Variants in DPP10 observed in about 807,000 individuals in gnomAD.
The protein encoded by DPP10 is inactive dipeptidyl peptidase 10.
Under a neutral mutation model 120.9 loss-of-function variants are expected in DPP10, and 33 were observed. The observed-to-expected ratio is 0.27, with a 90% confidence interval of 0.21 to 0.37. DPP10 has a LOEUF of 0.37. DPP10 is among the 10% of genes least tolerant of loss of function. The probability of loss-of-function intolerance (pLI) is 1.00; values close to 1 mark genes in which losing one functional copy is unlikely to be tolerated. For missense variants in DPP10, 816 were observed against 942.8 expected (o/e 0.87, Z 1.76); for synonymous variants, 337 against 326.1 (o/e 1.03, Z -0.36).
intron 3 of DPP10, among the ~76,000 whole-genome samples, chr2:115,449,338 A>G (rs1298261679): frequency 6.6e-6 from 1 of 152,060 alleles, no homozygotes; most frequent in Non-Finnish European, 1.5e-5. Flanking sequence ...TTTCCATTAG[A>G]AAAAAATATC....
chr2:114,766,568 A>G (rs1425303025), intron 1 of DPP10, among the ~76,000 whole-genome samples: 3 of 150,028 alleles, frequency 2.0e-5, no homozygotes, highest in South Asian at 2.1e-4. Flanking sequence ...GTTCCAATGC[A>G]TTCACACAAT....
chr2:115,064,747 T>C (rs1175983980), intron 1 of DPP10: 1 of 1,303,852 alleles, frequency 7.7e-7, no homozygotes, highest in Non-Finnish European at 1.0e-6. Context: ...GTGGTTATAG[T>C]CCACTTAGCA....
At chr2:115,686,454 C>A (rs1215715073) in intron 5 of DPP10, among the ~76,000 whole-genome samples, 1 of 152,004 alleles carries the variant, frequency 6.6e-6, no homozygotes, top group Non-Finnish European at 1.5e-5. Flanking sequence ...TCACAGGAAC[C>A]TGATCCTGTA....
chr2:115,469,556 A>G (rs2074549111), intron 3 of DPP10, among the ~76,000 whole-genome samples: 1 of 152,198 alleles, frequency 6.6e-6, no homozygotes, highest in Admixed American at 6.5e-5. Flanking sequence ...TTCTACGATT[A>G]CAGATTGAAA....
At chr2:114,968,485 A>T (rs1420100122) in intron 1 of DPP10, among the ~76,000 whole-genome samples, 2 of 152,174 alleles carry the variant, frequency 1.3e-5, no homozygotes, top group African/African-American at 4.8e-5. Context: ...CCAGCATCTC[A>T]ATCAGTTATT....
chr2:115,251,864 G>T (rs2058766512), intron 1 of DPP10, among the ~76,000 whole-genome samples: 1 of 152,164 alleles, frequency 6.6e-6, no homozygotes, highest in South Asian at 2.1e-4. Flanking sequence ...ATAGAATTGA[G>T]AATGTGACAA....
chr2:114,735,340 A>G (rs1345012088), intron 1 of DPP10, among the ~76,000 whole-genome samples: 1 of 152,176 alleles, frequency 6.6e-6, no homozygotes, highest in East Asian at 1.9e-4. Flanking sequence ...GCGAATTTTT[A>G]CTGCTTGCAA....
chr2:114,807,819 T>C (rs1412471038), intron 1 of DPP10, among the ~76,000 whole-genome samples: 2 of 152,138 alleles, frequency 1.3e-5, no homozygotes, highest in African/African-American at 4.8e-5. Flanking sequence ...AGCTTGGAGA[T>C]TTGTCTCTGC....
chr2:115,341,102 C>G (rs188955630), intron 2 of DPP10, among the ~76,000 whole-genome samples: 160 of 152,184 alleles, frequency 1.1e-3, no homozygotes, highest in Non-Finnish European at 1.7e-3. Context: ...AAATCCCATA[C>G]TTTTATGATG....
At position 115,102,395 on chromosome 2, in the gene DPP10, TTTTGTTTGTTTG is replaced by T. The variant is rs141019149; in HGVS notation, c.61-206824_61-206813del. Among the ~76,000 whole-genome samples, 357 of 150,904 alleles carry T rather than the reference TTTTGTTTGTTTG, an allele frequency of 2.4e-3. 1 individual carries two copies. The highest frequency in any genetic ancestry group is 7.8e-3 in the African/African-American group (320 of 40,902). On this transcript the variant is annotated intron_variant, in intron 1 of 25. Coordinates refer to ENST00000410059, the MANE Select transcript of DPP10 (RefSeq NM_020868.6). The stretch of plus-strand genomic sequence containing the variant: ...CAGTTAATAACATGGGGGAGGGGTT[TTTTGTTTGTTTG>T]TTTGTTTGTTTGTTTGTTTTTGAGA...
At chr2:115,502,718 G>A (rs988982289) in intron 4 of DPP10, among the ~76,000 whole-genome samples, 2 of 152,068 alleles carry the variant, frequency 1.3e-5, no homozygotes, top group Non-Finnish European at 2.9e-5. Context: ...TAAGACACAA[G>A]CTCTTGCTCT....
intron 1 of DPP10, among the ~76,000 whole-genome samples, chr2:114,786,420 G>T (rs1294989687): frequency 6.6e-6 from 1 of 152,206 alleles, no homozygotes; most frequent in African/African-American, 2.4e-5. Context: ...TTTTCGAGAA[G>T]CGAGAGAAAG....
intron 1 of DPP10, among the ~76,000 whole-genome samples, chr2:115,294,168 C>G (rs2060781615): frequency 6.6e-6 from 1 of 151,980 alleles, no homozygotes; most frequent in Non-Finnish European, 1.5e-5. Flanking sequence ...CATGAGCAGA[C>G]TAGGGAGGGA....
chr2:115,216,895 ACG>A, intron 1 of DPP10, among the ~76,000 whole-genome samples: 1 of 152,036 alleles, frequency 6.6e-6, no homozygotes, highest in African/African-American at 2.4e-5. Flanking sequence ...ATATGTGTAT[ACG>A]TATACACATA....
chr2:114,448,128 G>T (rs1428238244), intron 1 of DPP10, among the ~76,000 whole-genome samples: 2 of 151,936 alleles, frequency 1.3e-5, no homozygotes, highest in African/African-American at 4.8e-5. Context: ...TTTTAATAAA[G>T]AGTGACTATA....
chr2:115,079,600 A>C (rs1166730605), intron 1 of DPP10, among the ~76,000 whole-genome samples: 2 of 152,220 alleles, frequency 1.3e-5, no homozygotes, highest in East Asian at 3.9e-4. Flanking sequence ...AAATTGGTGC[A>C]TACTGGGGCT....
chr2:114,789,791 A>C (rs1310556418), intron 1 of DPP10, among the ~76,000 whole-genome samples: 1 of 152,244 alleles, frequency 6.6e-6, no homozygotes, highest in Non-Finnish European at 1.5e-5. Flanking sequence ...TGTGATATAC[A>C]ACACATGAGT....
chr2:115,339,266 A>C (rs561093456), intron 2 of DPP10, among the ~76,000 whole-genome samples: 1 of 152,190 alleles, frequency 6.6e-6, no homozygotes, highest in African/African-American at 2.4e-5. Context: ...AGGGGATATC[A>C]CTACACGTAT....
chr2:115,315,943 T>TC (rs2061772006), intron 2 of DPP10, among the ~76,000 whole-genome samples: 1 of 152,208 alleles, frequency 6.6e-6, no homozygotes, highest in Admixed American at 6.5e-5. Context: ...TACTTTTTTG[T>TC]CTTTCCTTTA....
Sources: allele counts gnomAD v4.1 joint callset (sites outside exome capture counted in the v4.1 genomes callset), GRCh38; gene constraint gnomAD v4.1.1; transcripts MANE v1.5; gene names NCBI Gene and HGNC (gene_info 2026-07-23, HGNC 2026-07-21).